Variants in BBX observed in about 807,000 individuals in gnomAD.
BBX encodes BBX high mobility group box domain containing, also known as HMG box transcription factor BBX.
A neutral mutation model predicts 100.2 loss-of-function variants in BBX; 30 were observed. The observed-to-expected ratio is 0.30, with a 90% CI of 0.22 to 0.41. The LOEUF (loss-of-function observed/expected upper bound fraction) is 0.41. BBX is among the 10% of genes least tolerant of loss of function. The pLI is 1.00. For missense variants in BBX, 1,023 were observed against 1,129.8 expected (o/e 0.91, Z 1.35); for synonymous variants, 376 against 388.1 (o/e 0.97, Z 0.37).
At chr3:107,694,031 TG>T (rs1456307804) in intron 3 of BBX, among the ~76,000 whole-genome samples, 1 of 146,466 alleles carries the variant, frequency 6.8e-6, no homozygotes, top group Non-Finnish European at 1.5e-5. Context: ...TTGTGATTTT[TG>T]TACATTGATT....
chr3:107,654,663 TA>T (rs573297422), intron 3 of BBX, among the ~76,000 whole-genome samples: 22 of 152,272 alleles, frequency 1.4e-4, no homozygotes, highest in Admixed American at 4.6e-4. Flanking sequence ...ATGGATCACT[TA>T]AAAAATATGT....
chr3:107,625,398 C>T (rs1308778507), intron 2 of BBX, among the ~76,000 whole-genome samples: 1 of 152,176 alleles, frequency 6.6e-6, no homozygotes, highest in Non-Finnish European at 1.5e-5. Flanking sequence ...TTGCCTCAGC[C>T]ACCTGAGTAG....
intron 2 of BBX, among the ~76,000 whole-genome samples, chr3:107,552,067 C>T (rs1348126059): frequency 2.0e-5 from 3 of 151,980 alleles, no homozygotes; most frequent in African/African-American, 4.8e-5. Flanking sequence ...TGGGGCTGGG[C>T]GCACTGGTTC....
chr3:107,720,851 A>G (rs182096521), intron 5 of BBX, among the ~76,000 whole-genome samples: 2 of 152,196 alleles, frequency 1.3e-5, no homozygotes, highest in Admixed American at 1.3e-4. Flanking sequence ...ATTTTTGTAA[A>G]GACCATTCAT....
intron 3 of BBX, among the ~76,000 whole-genome samples, chr3:107,684,944 T>A (rs917267365): frequency 3.9e-5 from 6 of 152,278 alleles, no homozygotes; most frequent in Admixed American, 6.5e-5. Flanking sequence ...TTAAGAGCTG[T>A]TTTAAAACAT....
chr3:107,655,671 C>T (rs1287600800), intron 3 of BBX, among the ~76,000 whole-genome samples: 1 of 151,194 alleles, frequency 6.6e-6, no homozygotes, highest in Admixed American at 6.6e-5. Flanking sequence ...GCGTGTGCCA[C>T]CACACCTGGC....
intron 2 of BBX, among the ~76,000 whole-genome samples, chr3:107,617,384 C>T (rs1279710233): frequency 6.6e-6 from 1 of 151,970 alleles, no homozygotes; most frequent in Non-Finnish European, 1.5e-5. Flanking sequence ...CTTTGCATTT[C>T]CATGTAGAAT....
At chr3:107,632,615 G>T (rs1428738294) in intron 2 of BBX, among the ~76,000 whole-genome samples, 1 of 152,164 alleles carries the variant, frequency 6.6e-6, no homozygotes, top group Non-Finnish European at 1.5e-5. Flanking sequence ...TGTTATCAAA[G>T]TAGTTATCTG....
At chr3:107,666,158 G>C (rs1219938437) in intron 3 of BBX, among the ~76,000 whole-genome samples, 1 of 152,230 alleles carries the variant, frequency 6.6e-6, no homozygotes, top group Non-Finnish European at 1.5e-5. Flanking sequence ...AGATGCCAGA[G>C]ATCAGGCTAC....
At chr3:107,799,808 C>G (rs2070222867) in intron 16 of BBX, among the ~76,000 whole-genome samples, 1 of 152,152 alleles carries the variant, frequency 6.6e-6, no homozygotes, top group Non-Finnish European at 1.5e-5. Context: ...CTGGTAGCCT[C>G]TTTGGCAGTA....
At chr3:107,585,307 A>C (rs2052749650) in intron 2 of BBX, among the ~76,000 whole-genome samples, 1 of 152,172 alleles carries the variant, frequency 6.6e-6, no homozygotes. Flanking sequence ...GTTACCATTG[A>C]CACATATTTT....
At chr3:107,693,411 A>C (rs1428099931) in intron 3 of BBX, among the ~76,000 whole-genome samples, 1 of 151,562 alleles carries the variant, frequency 6.6e-6, no homozygotes, top group Admixed American at 6.6e-5. Context: ...TCAGCTTTCT[A>C]CATATGGCTA....
intron 15 of BBX, among the ~76,000 whole-genome samples, chr3:107,798,296 G>C (rs554397546): frequency 7.2e-5 from 11 of 152,304 alleles, no homozygotes; most frequent in African/African-American, 2.4e-4. Context: ...ATGTAAAAAA[G>C]AGGGGGTGTC....
rs572384099 is a variant in BBX, at chr3:107,525,652, G to A, written c.-155-675G>A. On this transcript the variant is annotated intron_variant, in intron 1 of 17. Coordinates refer to ENST00000325805, the MANE Select transcript of BBX (RefSeq NM_001142568.3). ...GATGGTGACCAGCAACAAAGCCGGG[G>A]TGGGATCCCTCGCTCTCTTCCTCCC... 3.9e-5 allele frequency among the ~76,000 whole-genome samples: 6 copies of A among 152,258 alleles called. No individual in the cohort carries two copies. In the South Asian group the frequency reaches 1.2e-3, roughly 32 times the overall value.
At chr3:107,705,703 A>G (rs2061352162) in intron 3 of BBX, among the ~76,000 whole-genome samples, 1 of 152,196 alleles carries the variant, frequency 6.6e-6, no homozygotes, top group Non-Finnish European at 1.5e-5. Context: ...AAGCTTGTTG[A>G]GTAAAGGGTG....
rs369123530 is a variant in BBX at position 107,729,854 on chromosome 3, G to A, written c.601+894G>A. The stretch of plus-strand genomic sequence containing the variant: ...TTTTTGAATAACCAATAAATTTAAC[G>A]AGACTTTATGATTCAGTGTGTGATT... On this transcript the variant is annotated intron_variant, in intron 6 of 17. Transcript: ENST00000325805. 3.7e-4 allele frequency among the ~76,000 whole-genome samples: 56 copies of A among 152,148 alleles called. No individual in the cohort carries two copies. The East Asian group carries it at 5.6e-3, about 15-fold the overall frequency.
intron 2 of BBX, among the ~76,000 whole-genome samples, chr3:107,635,032 G>C (rs1442243254): frequency 6.6e-6 from 1 of 152,162 alleles, no homozygotes; most frequent in Non-Finnish European, 1.5e-5. Context: ...CAAGTAAGTT[G>C]ATATGAGGGA....
intron 2 of BBX, among the ~76,000 whole-genome samples, chr3:107,558,418 G>A (rs1454495736): frequency 3.3e-5 from 5 of 152,148 alleles, no homozygotes; most frequent in Admixed American, 2.0e-4. Flanking sequence ...TGCCTGGGAG[G>A]TGGAGGTTGC....
intron 3 of BBX, among the ~76,000 whole-genome samples, chr3:107,676,017 A>G (rs1424948016): frequency 6.6e-6 from 1 of 152,214 alleles, no homozygotes; most frequent in Non-Finnish European, 1.5e-5. Flanking sequence ...ACTTTTTAAA[A>G]TAAAAACTTT....
Sources: allele counts gnomAD v4.1 joint callset (sites outside exome capture counted in the v4.1 genomes callset), GRCh38; gene constraint gnomAD v4.1.1; transcripts MANE v1.5; gene names NCBI Gene and HGNC (gene_info 2026-07-23, HGNC 2026-07-21).